Variants in SGCZ observed in about 807,000 individuals in gnomAD.
SGCZ encodes the protein sarcoglycan zeta, also known as zeta-sarcoglycan.
Under a neutral mutation model 41.3 loss-of-function variants are expected in SGCZ, and 40 were observed. That is an observed-to-expected ratio of 0.97 (90% confidence interval 0.75 to 1.26). The LOEUF (loss-of-function observed/expected upper bound fraction) is 1.26, where lower values mean the gene tolerates loss of function less well. Ranked by LOEUF, SGCZ falls within the 50% of genes most tolerant of loss-of-function variation. The pLI is 0.00. For synonymous variants in SGCZ, 206 were observed against 137.5 expected (o/e 1.50, Z -3.49); for missense variants, 552 against 369.8 (o/e 1.49, Z -4.04).
intron 1 of SGCZ, among the ~76,000 whole-genome samples, chr8:14,617,850 A>ACG (rs1425841601): frequency 4.3e-5 from 4 of 92,682 alleles, no homozygotes; most frequent in Non-Finnish European, 9.9e-5. Context: ...TTGTGTGTTT[A>ACG]TGTGTGTGTG....
Position 14,949,937 on chromosome 8 carries a change from G to T in SGCZ, c.39+287648C>A, listed in dbSNP as rs570461965. Among the ~76,000 whole-genome samples, 5 of 152,144 alleles carry T rather than the reference G, an allele frequency of 3.3e-5. No homozygotes were observed. In the East Asian group the frequency reaches 9.7e-4, roughly 29 times the overall value. On this transcript the variant is annotated intron_variant, in intron 1 of 7. Transcript: ENST00000382080. ...CATGTTTAAGACTGCTGTTTTAAAT[G>T]TAAATAGAAGTGAACTGTTTTTTCT...
At chr8:14,138,419 G>A (rs921048207) in intron 5 of SGCZ, among the ~76,000 whole-genome samples, 1 of 151,856 alleles carries the variant, frequency 6.6e-6, no homozygotes, top group Non-Finnish European at 1.5e-5. Context: ...AGACCCATCA[G>A]TGTGCTGTAT....
rs139576363 is a variant in SGCZ, at chr8:14,305,474, G to A, written c.336+18629C>T. Reference sequence around the variant, plus strand: ...CCATTCAAAATTCTGTTGTAAATGTGGAATAGCAAAAATCTAGAAATTTTA... The same window carrying A: ...CCATTCAAAATTCTGTTGTAAATGTAGAATAGCAAAAATCTAGAAATTTTA... On this transcript the variant is annotated intron_variant, in intron 3 of 7. Coordinates refer to ENST00000382080, the MANE Select transcript of SGCZ (RefSeq NM_139167.4). Among the ~76,000 whole-genome samples the A allele has an allele frequency of 7.1e-3, 1,077 of 151,866 alleles. 16 individuals carry two copies. The highest frequency in any genetic ancestry group is 0.025 in the African/African-American group (1,029 of 41,426).
At chr8:14,933,542 C>T (rs1441454588) in intron 1 of SGCZ, among the ~76,000 whole-genome samples, 3 of 151,644 alleles carry the variant, frequency 2.0e-5, no homozygotes, top group African/African-American at 7.3e-5. Context: ...CACCATTCTC[C>T]TGCCTCAGCC....
At chr8:14,219,329 G>A (rs961044843) in intron 4 of SGCZ, among the ~76,000 whole-genome samples, 1 of 152,166 alleles carries the variant, frequency 6.6e-6, no homozygotes, top group Non-Finnish European at 1.5e-5. Flanking sequence ...CATCTGAGAA[G>A]TATGCTCAAC....
chr8:14,728,139 G>A (rs1810118657), intron 1 of SGCZ, among the ~76,000 whole-genome samples: 1 of 152,140 alleles, frequency 6.6e-6, no homozygotes, highest in Non-Finnish European at 1.5e-5. Flanking sequence ...TGATAAATAT[G>A]TTCGAAACTT....
intron 1 of SGCZ, among the ~76,000 whole-genome samples, chr8:15,023,978 C>G (rs1400395400): frequency 6.6e-6 from 1 of 152,044 alleles, no homozygotes; most frequent in Non-Finnish European, 1.5e-5. Flanking sequence ...AATACAGGGA[C>G]CAGGATAAGT....
At chr8:14,372,662 T>TGAC (rs1266889640) in intron 2 of SGCZ, among the ~76,000 whole-genome samples, 1 of 151,810 alleles carries the variant, frequency 6.6e-6, no homozygotes, top group South Asian at 2.1e-4. Flanking sequence ...GGCAAGGGAG[T>TGAC]GACTCCTGTA....
At chr8:14,106,387 G>A (rs1585139336) in intron 6 of SGCZ, among the ~76,000 whole-genome samples, 1 of 152,236 alleles carries the variant, frequency 6.6e-6, no homozygotes, top group South Asian at 2.1e-4. Flanking sequence ...GAATCCCTAG[G>A]GTTTCTATAT....
rs189060389 is a variant in SGCZ, at chr8:14,681,001, G to A, written c.40-126075C>T. Among the ~76,000 whole-genome samples the A allele has an allele frequency of 5.5e-4, 80 of 144,720 alleles. 1 individual carries two copies. In the East Asian group the frequency reaches 0.014, roughly 25 times the overall value. The allele number at this position is 144,720 out of a possible 152,430, so 94.9% of individuals were successfully genotyped here. A position where few individuals can be genotyped will look rare whatever the true frequency, so the allele number is the denominator to read the frequency against. On this transcript the variant is annotated intron_variant, in intron 1 of 7. Coordinates refer to ENST00000382080, the MANE Select transcript of SGCZ (RefSeq NM_139167.4). Reference sequence around the variant, plus strand: ...AAAAAACAGAAAATCGGTGAACCCTGGCACAATACCAGGAGATCTAACATA... The same window carrying A: ...AAAAAACAGAAAATCGGTGAACCCTAGCACAATACCAGGAGATCTAACATA...
chr8:14,289,603 G>C (rs1489089441), intron 3 of SGCZ, among the ~76,000 whole-genome samples: 1 of 151,998 alleles, frequency 6.6e-6, no homozygotes, highest in Non-Finnish European at 1.5e-5. Flanking sequence ...TTTTATGCCA[G>C]TAACATGCTA....
intron 2 of SGCZ, among the ~76,000 whole-genome samples, chr8:14,423,117 T>C (rs1235908455): frequency 4.6e-5 from 7 of 152,060 alleles, no homozygotes; most frequent in African/African-American, 7.2e-5. Context: ...CTTGGCAGTG[T>C]TGTGTGCTCC....
chr8:14,901,813 A>G (rs1232337296), intron 1 of SGCZ, among the ~76,000 whole-genome samples: 1 of 152,192 alleles, frequency 6.6e-6, no homozygotes, highest in East Asian at 1.9e-4. Context: ...TTTCATGTGC[A>G]GGAAATGTCA....
intron 1 of SGCZ, among the ~76,000 whole-genome samples, chr8:14,832,771 C>T (rs1024688218): frequency 3.3e-5 from 5 of 152,030 alleles, no homozygotes; most frequent in African/African-American, 9.7e-5. Flanking sequence ...CTCAATAAAA[C>T]ATTACAGTGA....
At chr8:14,301,803 A>G (rs1801199878) in intron 3 of SGCZ, among the ~76,000 whole-genome samples, 1 of 152,158 alleles carries the variant, frequency 6.6e-6, no homozygotes, top group East Asian at 1.9e-4. Context: ...ATAGTTTTTA[A>G]GTTATGACTT....
At chr8:14,789,948 G>C (rs540241868) in intron 1 of SGCZ, among the ~76,000 whole-genome samples, 1 of 151,952 alleles carries the variant, frequency 6.6e-6, no homozygotes, top group Admixed American at 6.6e-5. Flanking sequence ...CCATTATAAC[G>C]TATGTTTGGT....
At chr8:15,021,844 C>T (rs949668754) in intron 1 of SGCZ, among the ~76,000 whole-genome samples, 4 of 152,190 alleles carry the variant, frequency 2.6e-5, no homozygotes, top group Admixed American at 2.6e-4. Context: ...CTTCTAGATA[C>T]ACCTTGACCA....
At chr8:14,391,140 G>C (rs1804755763) in intron 2 of SGCZ, among the ~76,000 whole-genome samples, 1 of 152,064 alleles carries the variant, frequency 6.6e-6, no homozygotes, top group African/African-American at 2.4e-5. Flanking sequence ...AAGGCTCTAG[G>C]GGTGATCTGA....
intron 1 of SGCZ, among the ~76,000 whole-genome samples, chr8:14,761,642 G>C (rs1356019018): frequency 2.6e-5 from 4 of 151,022 alleles, no homozygotes; most frequent in African/African-American, 7.3e-5. Flanking sequence ...GAACAATTCA[G>C]CTTCAGGAGA....
Sources: allele counts gnomAD v4.1 joint callset (sites outside exome capture counted in the v4.1 genomes callset), GRCh38; gene constraint gnomAD v4.1.1; transcripts MANE v1.5; gene names NCBI Gene and HGNC (gene_info 2026-07-23, HGNC 2026-07-21).